The following MIIP variants were observed in gnomAD, a reference collection of about 807,000 sequenced individuals.
The protein encoded by MIIP is migration and invasion-inhibitory protein.
MIIP carries 44 observed loss-of-function variants against 44.8 expected under a neutral mutation model. The observed-to-expected ratio is 0.98, with a 90% CI of 0.77 to 1.26. The LOEUF is 1.26. Ranked by LOEUF, MIIP falls within the 50% of genes most tolerant of loss-of-function variation. The pLI is 0.00. For missense variants in MIIP, 496 were observed against 511.7 expected (o/e 0.97, Z 0.30); for synonymous variants, 225 against 218.3 (o/e 1.03, Z -0.27).
rs1639979063 is a variant in MIIP at position 12,021,731 on chromosome 1, T to G, written c.5T>G (p.Val2Gly). 6.2e-7 allele frequency: 1 copy of G among 1,612,418 alleles called. No individual in the cohort carries two copies. The highest frequency in any genetic ancestry group is 8.5e-7 in the Non-Finnish European group (1 of 1,179,892). The change falls in exon 2 of 10, where the codon GTG (valine) becomes GGG (glycine). Residue 2 changes from valine to glycine, a missense_variant. Transcript: ENST00000235332. M[V>G]EAEELAQLRL... is the part of the protein sequence containing the mutation. ...ACCTGCTGAGAGAGGCCCAGGATGGTGGAGGCTGAGGAACTGGCACAGCTG... is the reference window on the plus strand; with the variant it reads ...ACCTGCTGAGAGAGGCCCAGGATGGGGGAGGCTGAGGAACTGGCACAGCTG...
intron 1 of MIIP, among the ~76,000 whole-genome samples, chr1:12,020,737 G>A (rs1011801099): frequency 2.6e-5 from 4 of 152,118 alleles, no homozygotes; most frequent in African/African-American, 7.2e-5. Flanking sequence ...AGGCTGGAGC[G>A]CAATGGTGCG....
intron 4 of MIIP, among the ~76,000 whole-genome samples, chr1:12,027,933 C>T (rs1640137209): frequency 6.6e-6 from 1 of 152,132 alleles, no homozygotes; most frequent in Admixed American, 6.5e-5. Flanking sequence ...CTGTTTAGGC[C>T]GGGTGCGGTG....
Position 12,021,276 on chromosome 1 carries a change from C to T in MIIP, c.-82-369C>T, listed in dbSNP as rs184713288. Among the ~76,000 whole-genome samples, 343 of 152,004 alleles carry T rather than the reference C, an allele frequency of 2.3e-3. 7 individuals carry two copies. In the East Asian group the frequency reaches 0.041, roughly 18 times the overall value. ...GGGCGTGGTGGCAGGCGCCTGTAGT[C>T]CCAGCTACTCAGGAGGCTGAGGCAG... On this transcript the variant is annotated intron_variant, in intron 1 of 9. Transcript: ENST00000235332.
intron 1 of MIIP, 106 bp downstream of exon 1, chr1:12,019,658 G>A (rs1639927808): frequency 6.6e-6 from 1 of 152,396 alleles, no homozygotes; most frequent in Non-Finnish European, 1.5e-5. Flanking sequence ...AGAAGGGTAG[G>A]CTGCATCTGC....
rs745954025 is a variant in MIIP, at chr1:12,022,447, C to T, written c.462+5C>T. The T allele has an allele frequency of 7.2e-6, 11 of 1,520,632 alleles. No homozygotes were observed. The highest frequency in any genetic ancestry group is 2.3e-5 in the East Asian group (1 of 42,684). 94.2% of individuals were successfully genotyped at this position (1,520,632 alleles called of 1,614,324 possible). A position where few individuals can be genotyped will look rare whatever the true frequency, so the allele number is the denominator to read the frequency against. Reference sequence around the variant, plus strand: ...CAACAGAGCAAGCTGTCCAAGGTAACGTGGGAGAGCGGGACATCTGCTGAT... The same window carrying T: ...CAACAGAGCAAGCTGTCCAAGGTAATGTGGGAGAGCGGGACATCTGCTGAT... On this transcript the variant is annotated splice_donor_5th_base_variant and intron_variant, in intron 3 of 9. Coordinates refer to ENST00000235332, the MANE Select transcript of MIIP (RefSeq NM_021933.4).
In MIIP at chr1:12,022,561, T is replaced by C. The variant is rs796729370; in HGVS notation, c.462+119T>C. ...TGCAGAATAAGAGGCTCCTGGGAGA[T>C]ACTGTGAGTTGGGTCTTGCTCAGCC... On this transcript the variant is annotated intron_variant, in intron 3 of 9. Coordinates refer to ENST00000235332, the MANE Select transcript of MIIP (RefSeq NM_021933.4). 25 of 877,024 alleles carry C rather than the reference T, an allele frequency of 2.9e-5. No homozygotes were observed. In the African/African-American group the frequency reaches 4.1e-4, roughly 14 times the overall value. 54.3% of individuals were successfully genotyped at this position (877,024 alleles called of 1,614,324 possible). A position where few individuals can be genotyped will look rare whatever the true frequency, so the allele number is the denominator to read the frequency against.
intron 4 of MIIP, among the ~76,000 whole-genome samples, chr1:12,027,854 G>A (rs1640135836): frequency 6.6e-6 from 1 of 152,122 alleles, no homozygotes; most frequent in Non-Finnish European, 1.5e-5. Context: ...TACTAAATAG[G>A]TCAGGCCATA....
intron 4 of MIIP, among the ~76,000 whole-genome samples, chr1:12,027,444 G>A (rs965672037): frequency 2.0e-5 from 3 of 152,144 alleles, no homozygotes; most frequent in Non-Finnish European, 4.4e-5. Context: ...GAGTAGCAGG[G>A]GACACAGTGG....
At chr1:12,027,704 C>T (rs1026352772) in intron 4 of MIIP, among the ~76,000 whole-genome samples, 15 of 152,200 alleles carry the variant, frequency 9.9e-5, no homozygotes, top group African/African-American at 3.6e-4. Context: ...ACCTCTCCTC[C>T]GAATTCCAGA....
At chr1:12,020,954 G>A (rs1196649995) in intron 1 of MIIP, among the ~76,000 whole-genome samples, 1 of 152,152 alleles carries the variant, frequency 6.6e-6, no homozygotes, top group Non-Finnish European at 1.5e-5. Context: ...CCAAAGTGCT[G>A]GGATTACAGA....
intron 1 of MIIP, among the ~76,000 whole-genome samples, chr1:12,020,295 T>A (rs891137697): frequency 6.6e-6 from 1 of 152,124 alleles, no homozygotes; most frequent in Non-Finnish European, 1.5e-5. Context: ...GGAGGAAGAA[T>A]CCCTTTTGAA....
Position 12,021,689 on chromosome 1 carries a change from G to T in MIIP, c.-38G>T. Reference sequence around the variant, plus strand: ...AACCCAGCCCTGAGGACATCCTGCGGCCCAGGGGCAAGTGACACCTGCTGA... The same window carrying T: ...AACCCAGCCCTGAGGACATCCTGCGTCCCAGGGGCAAGTGACACCTGCTGA... On this transcript the variant is annotated 5_prime_UTR_variant, in exon 2 of 10. Transcript: ENST00000235332. 1 of 1,583,264 alleles carries T rather than the reference G, an allele frequency of 6.3e-7. No individual in the cohort carries two copies.
At chr1:12,027,511 C>T (rs1471670989) in intron 4 of MIIP, among the ~76,000 whole-genome samples, 1 of 152,168 alleles carries the variant, frequency 6.6e-6, no homozygotes, top group African/African-American at 2.4e-5. Flanking sequence ...CCGGTTCTCC[C>T]CCATCTCTGT....
chr1:12,031,835 T>G lies in MIIP; in HGVS notation c.*27T>G. 1 of 1,603,660 alleles carries G rather than the reference T, an allele frequency of 6.2e-7. No homozygotes were observed. The highest frequency in any genetic ancestry group is 8.5e-7 in the Non-Finnish European group (1 of 1,171,822). ...GACTGACTCCTGGGGGAGAACAGCA[T>G]TCCCGCCGCCTCCAGCCTCTCCCCT... is the stretch of plus-strand genomic sequence containing the variant. On this transcript the variant is annotated 3_prime_UTR_variant, in exon 10 of 10. Coordinates refer to ENST00000235332, the MANE Select transcript of MIIP (RefSeq NM_021933.4).
chr1:12,026,460 C>T (rs1309346453), intron 4 of MIIP, among the ~76,000 whole-genome samples: 5 of 152,182 alleles, frequency 3.3e-5, no homozygotes, highest in Admixed American at 6.5e-5. Flanking sequence ...GCTCTTGGTC[C>T]ATGCGCTCTG....
In MIIP at chr1:12,021,751, C is replaced by G. The variant is rs555419682; in HGVS notation, c.25C>G (p.Gln9Glu). The change falls in exon 2 of 10, where the codon CAG (glutamine) becomes GAG (glutamate). Residue 9 changes from glutamine (Q) to glutamate (E), a missense_variant. By Grantham distance (29) the Gln-to-Glu change is conservative. Coordinates refer to ENST00000235332, the MANE Select transcript of MIIP (RefSeq NM_021933.4). ...GATGGTGGAGGCTGAGGAACTGGCA[C>G]AGCTGCGGCTGCTCAATCTGGAGCT... is the stretch of plus-strand genomic sequence containing the variant. MVEAEELA[Q>E]LRLLNLELLR... 99 of 1,612,984 alleles carry G rather than the reference C, an allele frequency of 6.1e-5. 1 individual carries two copies. In the South Asian group the frequency reaches 1.0e-3, roughly 17 times the overall value.
intron 1 of MIIP, among the ~76,000 whole-genome samples, 169 bp from the exon 2 acceptor site, chr1:12,021,476 A>G (rs1368364786): frequency 6.6e-6 from 1 of 152,228 alleles, no homozygotes; most frequent in East Asian, 1.9e-4. Flanking sequence ...TTTAATTCTA[A>G]CAACAATCGT....
intron 3 of MIIP, 81 bp from the exon 4 acceptor site, chr1:12,022,752 T>G: frequency 1.8e-6 from 2 of 1,099,598 alleles, no homozygotes; most frequent in South Asian, 2.7e-5. Context: ...TAAGACACAG[T>G]CTCTCTGTCC....
intron 1 of MIIP, among the ~76,000 whole-genome samples, chr1:12,020,075 T>G (rs1224232163): frequency 6.6e-6 from 1 of 152,226 alleles, no homozygotes; most frequent in Non-Finnish European, 1.5e-5. Context: ...GGGCAAGGGC[T>G]GGGAGGAGGA....
Sources: gnomAD v4.1 joint callset for allele counts (sites outside exome capture counted in the v4.1 genomes callset) on GRCh38, gnomAD v4.1.1 for gene constraint, MANE v1.5 for transcripts, NCBI Gene and HGNC (gene_info 2026-07-23, HGNC 2026-07-21) for gene names.